DNER: variants seen among roughly 807,000 people sequenced by gnomAD.
The protein encoded by DNER is delta/notch like EGF repeat containing, also known as delta and Notch-like epidermal growth factor-related receptor.
A neutral mutation model predicts 78.2 loss-of-function variants in DNER; 33 were observed. That is an observed-to-expected ratio of 0.42 (90% CI 0.32 to 0.56). DNER has a LOEUF of 0.56. DNER is among the 20% of genes least tolerant of loss of function. DNER has a pLI of 0.11. For missense variants in DNER, 918 were observed against 975.3 expected, an observed-to-expected ratio of 0.94 and a Z score of 0.78; for synonymous variants, 417 against 384.8, an observed-to-expected ratio of 1.08 and a Z score of -0.98.
chr2:229,596,607 G>A (rs888177), intron 1 of DNER, among the ~76,000 whole-genome samples: 55,397 of 152,076 alleles, frequency 0.36, 10,275 homozygotes, highest in East Asian at 0.5. Flanking sequence ...GAGCTGAGTG[G>A]CAAAGGGCAG....
chr2:229,700,303 T>TGTGTGTGTGTGTGTGTGA lies in DNER; in HGVS notation c.276+13844_276+13845insTCACACACACACACACAC, dbSNP rs1699724426. ...CAATATATGTGTGTGTGTGTGTGTG[T>TGTGTGTGTGTGTGTGTGA]GTGTGTGTGTGTGTGTATAGGGGTC... On this transcript the variant is annotated intron_variant, in intron 1 of 12. Coordinates refer to ENST00000341772, the MANE Select transcript of DNER (RefSeq NM_139072.4). Among the ~76,000 whole-genome samples the TGTGTGTGTGTGTGTGTGA allele has an allele frequency of 2.7e-5, 4 of 149,618 alleles. No homozygotes were observed. The Admixed American group carries it at 2.7e-4, about 10-fold the overall frequency.
intron 1 of DNER, among the ~76,000 whole-genome samples, chr2:229,657,492 T>A (rs894819646): frequency 3.9e-5 from 6 of 152,136 alleles, no homozygotes; most frequent in African/African-American, 1.2e-4. Flanking sequence ...AAAAACAATT[T>A]TAGGACCGTG....
At chr2:229,370,892 T>C (rs1387295124) in intron 11 of DNER, among the ~76,000 whole-genome samples, 1 of 152,162 alleles carries the variant, frequency 6.6e-6, no homozygotes, top group Admixed American at 6.5e-5. Context: ...CAATTGTGTA[T>C]ACACAGTGAG....
At chr2:229,604,759 T>C (rs1697901198) in intron 1 of DNER, among the ~76,000 whole-genome samples, 1 of 152,164 alleles carries the variant, frequency 6.6e-6, no homozygotes, top group African/African-American at 2.4e-5. Context: ...CAAAAATCAG[T>C]GGCTCTGCAG....
chr2:229,593,115 G>A (rs748205020), intron 1 of DNER, among the ~76,000 whole-genome samples: 2 of 152,128 alleles, frequency 1.3e-5, no homozygotes, highest in Non-Finnish European at 2.9e-5. Flanking sequence ...CAGAGTCAAT[G>A]GATTTGTATC....
At chr2:229,498,026 C>CA (rs1559149077) in intron 6 of DNER, among the ~76,000 whole-genome samples, 1 of 151,684 alleles carries the variant, frequency 6.6e-6, no homozygotes, top group African/African-American at 2.4e-5. Context: ...AAAAAATTCT[C>CA]AAAAAAACAC....
intron 6 of DNER, among the ~76,000 whole-genome samples, chr2:229,487,306 A>T (rs146046073): frequency 4.9e-4 from 74 of 152,352 alleles, no homozygotes; most frequent in Non-Finnish European, 8.8e-4. Flanking sequence ...CTCATTATAT[A>T]GTAAACTAAT....
intron 1 of DNER, among the ~76,000 whole-genome samples, chr2:229,592,666 G>A (rs981594224): frequency 6.6e-6 from 1 of 150,438 alleles, no homozygotes; most frequent in Non-Finnish European, 1.5e-5. Flanking sequence ...GAATGGCCAT[G>A]TGTTGGTAGT....
At chr2:229,658,702 C>T (rs914902579) in intron 1 of DNER, among the ~76,000 whole-genome samples, 7 of 151,858 alleles carry the variant, frequency 4.6e-5, no homozygotes, top group Admixed American at 2.0e-4. Context: ...TGAATGACAA[C>T]CAATTCAAAG....
intron 1 of DNER, among the ~76,000 whole-genome samples, chr2:229,607,767 A>G (rs545703268): frequency 5.1e-4 from 77 of 152,266 alleles, no homozygotes; most frequent in African/African-American, 1.8e-3. Context: ...TCACACCTGT[A>G]ATCCCAGCAC....
chr2:229,427,432 C>G (rs1308708606), intron 8 of DNER, among the ~76,000 whole-genome samples: 1 of 152,198 alleles, frequency 6.6e-6, no homozygotes, highest in East Asian at 1.9e-4. Flanking sequence ...CTGGGGCTAT[C>G]TGGTGAGTAA....
At chr2:229,565,521 A>C (rs776450100) in intron 4 of DNER, among the ~76,000 whole-genome samples, 7 of 152,208 alleles carry the variant, frequency 4.6e-5, no homozygotes, top group Non-Finnish European at 8.8e-5. Flanking sequence ...GATTTGAAAG[A>C]CTTTTTTTAA....
intron 6 of DNER, among the ~76,000 whole-genome samples, chr2:229,500,199 C>T (rs1695588437): frequency 6.6e-6 from 1 of 152,164 alleles, no homozygotes; most frequent in Admixed American, 6.5e-5. Flanking sequence ...TCTCACAGTG[C>T]CAGGATTACA....
chr2:229,519,152 C>T (rs111363516), intron 5 of DNER, among the ~76,000 whole-genome samples: 4 of 152,018 alleles, frequency 2.6e-5, no homozygotes, highest in African/African-American at 9.7e-5. Flanking sequence ...TAATATAGAG[C>T]CAAATATCAT....
At position 229,440,429 on chromosome 2, in the gene DNER, C is replaced by A. The variant is rs1038184685; in HGVS notation, c.1486+6887G>T. Among the ~76,000 whole-genome samples, 23 of 152,164 alleles carry A rather than the reference C, an allele frequency of 1.5e-4. 1 individual carries two copies. Among genetic ancestry groups the A allele is most frequent in the Non-Finnish European group, 2.9e-4 (20 of 68,008 alleles). ...CTCCCAGGATACCGCCCTCACCCTG[C>A]AACCTCCCGACCTCCCAACTCACTG... On this transcript the variant is annotated intron_variant, in intron 8 of 12. Transcript: ENST00000341772.
chr2:229,472,969 G>A (rs1479921011), intron 7 of DNER, among the ~76,000 whole-genome samples: 2 of 152,182 alleles, frequency 1.3e-5, no homozygotes, highest in African/African-American at 2.4e-5. Flanking sequence ...CGGGCTGCCC[G>A]ATTTGGAACT....
intron 5 of DNER, among the ~76,000 whole-genome samples, chr2:229,519,109 T>G (rs1696041677): frequency 1.3e-5 from 2 of 152,162 alleles, no homozygotes; most frequent in African/African-American, 4.8e-5. Flanking sequence ...TGATTCTGAC[T>G]TTTTTGATAT....
rs180985953 is a variant in DNER, at chr2:229,358,441, G to A, written c.*99C>T. ...CTTAAATATTCTACTGAAAACTCTT[G>A]AGCAGCTAGCATTTTAAATTTCTTA... On this transcript the variant is annotated 3_prime_UTR_variant, in exon 13 of 13. Transcript: ENST00000341772. 8.3e-6 allele frequency: 8 copies of A among 958,112 alleles called. No homozygotes were observed. In the East Asian group the frequency reaches 1.1e-4, roughly 13 times the overall value. The allele number at this position is 958,112 out of a possible 1,614,324, so 59.4% of individuals were successfully genotyped here.
intron 1 of DNER, among the ~76,000 whole-genome samples, chr2:229,620,633 A>G (rs975143583): frequency 1.3e-5 from 2 of 152,244 alleles, no homozygotes; most frequent in African/African-American, 4.8e-5. Flanking sequence ...AAATCCTCAG[A>G]GAAACACCAA....
Sources: allele counts gnomAD v4.1 joint callset (sites outside exome capture counted in the v4.1 genomes callset), GRCh38; gene constraint gnomAD v4.1.1; transcripts MANE v1.5; gene names NCBI Gene and HGNC (gene_info 2026-07-23, HGNC 2026-07-21).